The following PRDM15 variants were observed in gnomAD, a reference collection of about 807,000 sequenced individuals.
The protein encoded by PRDM15 is PR domain zinc finger protein 15.
Under a neutral mutation model 128.6 loss-of-function variants are expected in PRDM15, and 64 were observed. That is an observed-to-expected ratio of 0.50 (90% CI 0.41 to 0.61). The LOEUF (loss-of-function observed/expected upper bound fraction) is 0.61. PRDM15 is among the 20% of genes least tolerant of loss of function. The pLI is 0.00. For missense variants in PRDM15, 1,242 were observed against 1,569.1 expected, an observed-to-expected ratio of 0.79 and a Z score of 3.52; for synonymous variants, 615 against 621.8, an observed-to-expected ratio of 0.99 and a Z score of 0.16.
intron 6 of PRDM15, among the ~76,000 whole-genome samples, chr21:41,841,776 G>A (rs73219075): frequency 0.035 from 5,349 of 152,188 alleles, 242 homozygotes; most frequent in East Asian, 0.24. Flanking sequence ...CTTCAAATCT[G>A]TATCCCTGTG....
chr21:41,816,714 T>C (rs1011257094), intron 18 of PRDM15, among the ~76,000 whole-genome samples: 2 of 152,092 alleles, frequency 1.3e-5, no homozygotes, highest in African/African-American at 4.8e-5. Flanking sequence ...AAGACCTCCC[T>C]GGCTACGAGA....
In PRDM15 at chr21:41,854,831, C is replaced by T. The variant is rs553822753; in HGVS notation, c.286-13G>A. On this transcript the variant is annotated splice_polypyrimidine_tract_variant and intron_variant, in intron 4 of 23. Coordinates refer to ENST00000398548, the MANE Select transcript of PRDM15 (RefSeq NM_001040424.3). The surrounding 1 kb of genome is among the most constrained non-coding windows in gnomAD (Gnocchi z 4.6). ...CCTTCTGGAACACCTGAAGGTGAGT[C>T]GGCCCATGGAGAAGCCGGGGAAATG... 5.0e-5 allele frequency: 80 copies of T among 1,592,318 alleles called. No individual in the cohort carries two copies. The highest frequency in any genetic ancestry group is 1.7e-4 in the Middle Eastern group (1 of 6,004).
intron 18 of PRDM15, 81 bp from the exon 19 acceptor site, chr21:41,815,917 G>C: frequency 6.4e-7 from 1 of 1,570,460 alleles, no homozygotes; most frequent in Non-Finnish European, 8.6e-7. Context: ...CCTGGGGCAG[G>C]CACAGGCAGC....
chr21:41,810,682 A>G lies in PRDM15; in HGVS notation c.2476+71T>C. On this transcript the variant is annotated intron_variant, in intron 20 of 23. Transcript: ENST00000398548. The surrounding 1 kb of genome is among the most constrained non-coding windows in gnomAD (Gnocchi z 6.4). The stretch of plus-strand genomic sequence containing the variant: ...ATAATAGAATAGTCGTTTCCACCCC[A>G]GCAGGCACTCAGACAGCCCCGGCAG... 1.7e-6 allele frequency: 2 copies of G among 1,191,374 alleles called. No individual in the cohort carries two copies. The highest frequency in any genetic ancestry group is 2.3e-5 in the East Asian group (1 of 42,944). 73.8% of individuals were successfully genotyped at this position (1,191,374 alleles called of 1,614,324 possible).
At chr21:41,823,003 C>A (rs1418938225) in intron 14 of PRDM15, among the ~76,000 whole-genome samples, 1 of 148,678 alleles carries the variant, frequency 6.7e-6, no homozygotes. Flanking sequence ...GTACTCCAGC[C>A]TGGGCGACAG....
chr21:41,808,339 C>T (rs926295260), intron 21 of PRDM15, among the ~76,000 whole-genome samples: 6 of 152,346 alleles, frequency 3.9e-5, no homozygotes, highest in African/African-American at 1.2e-4. Flanking sequence ...AAGCTCCCCG[C>T]TGAGTGGGGC....
intron 1 of PRDM15, among the ~76,000 whole-genome samples, chr21:41,864,552 G>A (rs1460621357): frequency 6.6e-6 from 1 of 151,984 alleles, no homozygotes; most frequent in East Asian, 1.9e-4. Context: ...GGACGCAGTT[G>A]TCAGAGAGAC....
Position 41,801,248 on chromosome 21 carries a change from T to A in PRDM15, c.3418A>T (p.Ser1140Cys). Residue 1140 changes from serine to cysteine, a missense_variant, in exon 24 of 24, where the codon AGC becomes TGC. By Grantham distance (112) the Ser-to-Cys change is moderately radical (BLOSUM62 -1). Around this residue, in one of 3 missense-constraint regions of PRDM15, gnomAD observed 602 missense variants for 788.3 expected, o/e 0.76. Transcript: ENST00000398548. ...GTCTCCCGGAACGCAGCTCAGTAGC[T>A]GTACATCTGCTGCTGCTGCTGCTCC... Reference protein sequence around the residue: ...QAEQQQQQMYSY With the variant: ...QAEQQQQQMYCY 6.5e-7 allele frequency: 1 copy of A among 1,527,178 alleles called. No homozygotes were observed. The allele number at this position is 1,527,178 out of a possible 1,614,324, so 94.6% of individuals were successfully genotyped here.
At chr21:41,829,351 A>G (rs1436066351) in intron 11 of PRDM15, among the ~76,000 whole-genome samples, 3 of 151,954 alleles carry the variant, frequency 2.0e-5, no homozygotes, top group Admixed American at 2.0e-4. Context: ...CATGCCCCAC[A>G]AATACACAAT....
chr21:41,858,249 G>A (rs188136485), intron 3 of PRDM15, among the ~76,000 whole-genome samples: 3 of 152,264 alleles, frequency 2.0e-5, no homozygotes, highest in African/African-American at 7.2e-5. Context: ...CATAGGAGCC[G>A]GGACGAGCCC....
chr21:41,801,841 G>A (rs969100852), intron 23 of PRDM15, 119 bp from the exon 24 acceptor site: 2 of 1,139,350 alleles, frequency 1.8e-6, no homozygotes, highest in Non-Finnish European at 2.5e-6. Flanking sequence ...TTTGGTGAAA[G>A]AGGAAACCGA....
At chr21:41,802,456 G>T (rs2061440557) in intron 23 of PRDM15, among the ~76,000 whole-genome samples, 1 of 152,156 alleles carries the variant, frequency 6.6e-6, no homozygotes, top group South Asian at 2.1e-4. Flanking sequence ...TTGCCACCCG[G>T]GCAGGGATAT....
intron 7 of PRDM15, among the ~76,000 whole-genome samples, 154 bp from the exon 8 acceptor site, chr21:41,838,217 A>G (rs2062960188): frequency 1.3e-5 from 2 of 151,988 alleles, no homozygotes; most frequent in Non-Finnish European, 2.9e-5. Flanking sequence ...AAAAACTGTC[A>G]ATATTTTGGG....
Position 41,828,260 on chromosome 21 carries a change from C to T in PRDM15, c.1440G>A (p.Lys480=), listed in dbSNP as rs773585234. The T allele has an allele frequency of 1.9e-6, 3 of 1,613,958 alleles. No homozygotes were observed. The highest frequency in any genetic ancestry group is 2.5e-6 in the Non-Finnish European group (3 of 1,180,002). Residue 480 remains lysine (K), a synonymous_variant, in exon 12 of 24, where the codon AAG becomes AAA. Coordinates refer to ENST00000398548, the MANE Select transcript of PRDM15 (RefSeq NM_001040424.3). The surrounding 1 kb of genome is among the most constrained non-coding windows in gnomAD (Gnocchi z 5.7). ...STNSNLSKHK[K]KHGDKKFACE... is the part of the protein sequence containing the mutation. Reference sequence around the variant, plus strand: ...AGGCAAACTTCTTGTCGCCGTGCTTCTTCTTGTGCTTGGAGAGGTTGCTGT... The same window carrying T: ...AGGCAAACTTCTTGTCGCCGTGCTTTTTCTTGTGCTTGGAGAGGTTGCTGT...
At chr21:41,873,134 T>A (rs575464507) in intron 1 of PRDM15, among the ~76,000 whole-genome samples, 69 of 152,336 alleles carry the variant, frequency 4.5e-4, no homozygotes, top group African/African-American at 1.3e-3. Context: ...AGCAGCTGCA[T>A]CCTGGGCCTC....
In PRDM15 at chr21:41,821,846, G is replaced by A; in HGVS notation, c.1896+57C>T. 5 of 1,606,206 alleles carry A rather than the reference G, an allele frequency of 3.1e-6. No individual in the cohort carries two copies. The highest frequency in any genetic ancestry group is 4.2e-6 in the Non-Finnish European group (5 of 1,177,316). ...CCTGCTGTGTGGGGCCCACAGCCTT[G>A]AAACGACCACCTTCCTCTCCAGACC... On this transcript the variant is annotated intron_variant, in intron 15 of 23. Transcript: ENST00000398548. This position sits in a 1 kb window ranked among gnomAD's most constrained non-coding sequence, Gnocchi z 5.4.
At chr21:41,837,907 C>CA in intron 8 of PRDM15, 27 bp downstream of exon 8, 1 of 1,613,480 alleles carries the variant, frequency 6.2e-7, no homozygotes. Flanking sequence ...GTCCACAGGA[C>CA]GGCCCCAGGT....
rs989053659 is a variant in PRDM15, at chr21:41,799,306, G to A, written c.*1934C>T. ...TATATCTTAGGAGCCCTGGTCTCCT[G>A]CTGATTCCATGGATGCCTGGAGCAC... is the stretch of plus-strand genomic sequence containing the variant. On this transcript the variant is annotated 3_prime_UTR_variant, in exon 24 of 24. Transcript: ENST00000398548. 3 of 152,234 alleles carry A rather than the reference G, an allele frequency of 2.0e-5. No individual in the cohort carries two copies. The highest frequency in any genetic ancestry group is 4.4e-5 in the Non-Finnish European group (3 of 68,050). 9.4% of individuals were successfully genotyped at this position (152,234 alleles called of 1,614,324 possible).
intron 4 of PRDM15, among the ~76,000 whole-genome samples, chr21:41,856,806 A>G (rs1440997317): frequency 6.6e-6 from 1 of 152,150 alleles, no homozygotes; most frequent in East Asian, 1.9e-4. Flanking sequence ...GCAAACTACC[A>G]TACGCTCTGC....
Sources: gnomAD v4.1 joint callset for allele counts (sites outside exome capture counted in the v4.1 genomes callset) on GRCh38, gnomAD v4.1.1 for gene constraint, gnomAD v4.1.1 regional missense constraint, Gnocchi (gnomAD v3.1) non-coding constraint, MANE v1.5 for transcripts, NCBI Gene and HGNC (gene_info 2026-07-23, HGNC 2026-07-21) for gene names.